The following METTL15 variants were observed in gnomAD, a reference collection of about 807,000 sequenced individuals.
The protein encoded by METTL15 is 12S rRNA N(4)-cytidine methyltransferase METTL15.
METTL15 carries 34 observed loss-of-function variants against 38.3 expected under a neutral mutation model. The ratio of observed to expected loss-of-function variants is 0.89; its 90% CI spans 0.68 to 1.18. The LOEUF is 1.18. Among genes scored for constraint, METTL15 ranks in the 50% most tolerant of loss-of-function variants. The pLI is 0.00. For missense variants in METTL15, 438 were observed against 498.4 expected, an observed-to-expected ratio of 0.88 and a Z score of 1.15; for synonymous variants, 162 against 170.9, an observed-to-expected ratio of 0.95 and a Z score of 0.41.
downstream of METTL15, among the ~76,000 whole-genome samples, chr11:28,336,120 A>G (rs2133350213): frequency 6.6e-6 from 1 of 152,256 alleles, no homozygotes; most frequent in Non-Finnish European, 1.5e-5. Flanking sequence ...TGATAGGGTT[A>G]TAGTCTGTTT....
chr11:28,415,005 C>A (rs1401084915), intron 5 of METTL15, among the ~76,000 whole-genome samples: 2 of 152,202 alleles, frequency 1.3e-5, no homozygotes, highest in South Asian at 4.1e-4. Flanking sequence ...GAAAACCCAA[C>A]AGGAACTTAA....
At chr11:28,275,241 A>G (rs530686203) in intron 4 of METTL15, among the ~76,000 whole-genome samples, 14 of 151,938 alleles carry the variant, frequency 9.2e-5, no homozygotes, top group Non-Finnish European at 1.5e-4. Flanking sequence ...AGAAAAAAAG[A>G]CCCAAATAAA....
In METTL15 at chr11:28,296,841, A is replaced by G. The variant is rs1273080157; in HGVS notation, c.688A>G (p.Lys230Glu). ...ASILRTYGEE[K>E]HAKKIASAIV... is the part of the protein sequence containing the mutation. ...TATCCTAAGAACATACGGGGAGGAG[A>G]AGCATGCCAAGAAAATCGCTTCAGC... The change falls in exon 6 of 7, where the codon AAG becomes GAG. Residue 230 changes from lysine (K) to glutamate (E), a missense_variant. Coordinates refer to ENST00000407364, the MANE Select transcript of METTL15 (RefSeq NM_001113528.2). The G allele has an allele frequency of 6.2e-7, 1 of 1,613,444 alleles. No individual in the cohort carries two copies. The highest frequency in any genetic ancestry group is 8.5e-7 in the Non-Finnish European group (1 of 1,179,702).
intron 3 of METTL15, among the ~76,000 whole-genome samples, chr11:28,349,819 T>C (rs1429935996): frequency 2.6e-5 from 4 of 152,222 alleles, no homozygotes; most frequent in Non-Finnish European, 4.4e-5. Flanking sequence ...TCAGAATTCC[T>C]TTTGCTTCCT....
chr11:28,439,204 G>A (rs1180338751), intron 6 of METTL15, among the ~76,000 whole-genome samples: 1 of 152,132 alleles, frequency 6.6e-6, no homozygotes, highest in Non-Finnish European at 1.5e-5. Flanking sequence ...AACAATTGAA[G>A]TCCTAAAGGG....
rs149670506 is a variant in METTL15, at chr11:28,287,455, G to T, written c.408-2751G>T. The T allele has an allele frequency of 1.7e-4, 72 of 426,524 alleles. No individual in the cohort carries two copies. In the East Asian group the frequency reaches 5.7e-3, roughly 34 times the overall value. 26.4% of individuals were successfully genotyped at this position (426,524 alleles called of 1,614,324 possible). ...TGTGAGGTTCACAACAATTTTCCTAGCAATGTGATCATCAGTGATTTCAGA... is the reference window on the plus strand; with the variant it reads ...TGTGAGGTTCACAACAATTTTCCTATCAATGTGATCATCAGTGATTTCAGA... On this transcript the variant is annotated intron_variant, in intron 4 of 6. Coordinates refer to ENST00000407364, the MANE Select transcript of METTL15 (RefSeq NM_001113528.2).
At chr11:28,386,566 A>C (rs970035920) in intron 5 of METTL15, among the ~76,000 whole-genome samples, 1 of 152,052 alleles carries the variant, frequency 6.6e-6, no homozygotes, top group Non-Finnish European at 1.5e-5. Flanking sequence ...GGAGCACCCA[A>C]ATATATGAGC....
At position 28,471,756 on chromosome 11, in the gene METTL15, G is replaced by GA. The variant is rs202239700; in HGVS notation, c.*424+47402dup. Among the ~76,000 whole-genome samples, 663 of 145,032 alleles carry GA rather than the reference G, an allele frequency of 4.6e-3. 2 individuals carry two copies. Among genetic ancestry groups the GA allele is most frequent in the African/African-American group, 0.016 (624 of 39,512 alleles). ...GTAGATTTTAACATTGTTGTTTTTA[G>GA]AAAAAAAAAAGTTTCCAGCTGGTAG... On this transcript the variant is annotated intron_variant and NMD_transcript_variant, in intron 6 of 7. Coordinates refer to the METTL15 transcript ENST00000532947.
intron 5 of METTL15, among the ~76,000 whole-genome samples, chr11:28,401,101 T>C (rs974584685): frequency 6.6e-6 from 1 of 152,024 alleles, no homozygotes; most frequent in African/African-American, 2.4e-5. Flanking sequence ...GTAAATGACA[T>C]GCCAGTGGCA....
At chr11:28,513,170 G>A (rs970297740) in intron 6 of METTL15, among the ~76,000 whole-genome samples, 1 of 152,152 alleles carries the variant, frequency 6.6e-6, no homozygotes. Context: ...AACATTGCAT[G>A]TCAAGAGAGC....
chr11:28,186,120 G>T (rs988427138), intron 3 of METTL15, among the ~76,000 whole-genome samples: 1 of 150,932 alleles, frequency 6.6e-6, no homozygotes, highest in African/African-American at 2.4e-5. Flanking sequence ...TAAAGCTATG[G>T]CCAGGAAAGA....
At chr11:28,158,459 G>A (rs748908841) in intron 3 of METTL15, among the ~76,000 whole-genome samples, 1 of 152,198 alleles carries the variant, frequency 6.6e-6, no homozygotes, top group Non-Finnish European at 1.5e-5. Flanking sequence ...TTTGTCAGCA[G>A]CAGAGACTAA....
At chr11:28,131,257 A>G (rs1185854560) in intron 3 of METTL15, among the ~76,000 whole-genome samples, 1 of 152,196 alleles carries the variant, frequency 6.6e-6, no homozygotes, top group East Asian at 1.9e-4. Flanking sequence ...CAGAGTTTCA[A>G]GTACGTTCCT....
intron 5 of METTL15, among the ~76,000 whole-genome samples, chr11:28,368,143 C>CAAAAAAAAAAAAAAAAA (rs1421370868): frequency 1.1e-5 from 1 of 87,068 alleles, no homozygotes; most frequent in Non-Finnish European, 2.4e-5. Flanking sequence ...AAAAAAAAAA[C>CAAAAAAAAAAAAAAAAA]AAAAAAAACA....
intron 5 of METTL15, among the ~76,000 whole-genome samples, chr11:28,293,497 C>T (rs1856606452): frequency 6.6e-6 from 1 of 152,144 alleles, no homozygotes; most frequent in Admixed American, 6.6e-5. Context: ...CGTGATGCCT[C>T]CAGCTTTGTT....
chr11:28,300,615 T>G (rs1269346100), intron 6 of METTL15, among the ~76,000 whole-genome samples: 5 of 152,154 alleles, frequency 3.3e-5, no homozygotes, highest in African/African-American at 1.2e-4. Flanking sequence ...AAGCAGTAAT[T>G]TATAAGCAAC....
At position 28,333,278 on chromosome 11, in the gene METTL15, A is replaced by C. The variant is rs1275496219; in HGVS notation, c.*2437A>C. The C allele has an allele frequency of 1.3e-5, 2 of 152,156 alleles. No homozygotes were observed. Among genetic ancestry groups the C allele is most frequent in the Non-Finnish European group, 2.9e-5 (2 of 68,020 alleles). 9.4% of individuals were successfully genotyped at this position (152,156 alleles called of 1,614,324 possible). ...TTCAATAAACACAAAATTGGTTTCA[A>C]AATGTTTTCATGTAAAAATAAATTA... On this transcript the variant is annotated 3_prime_UTR_variant, in exon 7 of 7. Coordinates refer to ENST00000407364, the MANE Select transcript of METTL15 (RefSeq NM_001113528.2).
intron 4 of METTL15, among the ~76,000 whole-genome samples, chr11:28,229,496 T>G (rs1369360478): frequency 1.3e-5 from 2 of 151,956 alleles, no homozygotes; most frequent in African/African-American, 4.8e-5. Flanking sequence ...TGAAACCTAA[T>G]AGTATTAAGA....
intron 3 of METTL15, among the ~76,000 whole-genome samples, chr11:28,209,585 A>G (rs1036849562): frequency 1.3e-5 from 2 of 152,020 alleles, no homozygotes; most frequent in African/African-American, 4.8e-5. Flanking sequence ...TTGCTTGTAC[A>G]TTTTCACCAC....
Sources: allele counts gnomAD v4.1 joint callset (sites outside exome capture counted in the v4.1 genomes callset), GRCh38; gene constraint gnomAD v4.1.1; transcripts MANE v1.5; gene names NCBI Gene and HGNC (gene_info 2026-07-23, HGNC 2026-07-21).